BRD4: variants seen among roughly 807,000 people sequenced by gnomAD.
BRD4 encodes the protein bromodomain containing 4, also known as bromodomain-containing protein 4.
Under a neutral mutation model 142.1 loss-of-function variants are expected in BRD4, and 16 were observed. The ratio of observed to expected loss-of-function variants is 0.11; its 90% CI spans 0.08 to 0.17. BRD4 has a LOEUF of 0.17. Among genes scored for constraint, BRD4 ranks in the 10% least tolerant of loss-of-function variants. The probability of loss-of-function intolerance (pLI) is 1.00; values close to 1 mark genes in which losing one functional copy is unlikely to be tolerated. For missense variants in BRD4, 1,424 were observed against 1,810.9 expected (o/e 0.79, Z 3.88); for synonymous variants, 833 against 707.5 (o/e 1.18, Z -2.82).
At chr19:15,299,021 C>T (rs1447664598) in intron 1 of BRD4, among the ~76,000 whole-genome samples, 1 of 152,200 alleles carries the variant, frequency 6.6e-6, no homozygotes, top group African/African-American at 2.4e-5. Flanking sequence ...CATGGTGGCA[C>T]CACAAACACT....
chr19:15,283,819 C>A (rs2047722089), intron 1 of BRD4, among the ~76,000 whole-genome samples: 1 of 152,202 alleles, frequency 6.6e-6, no homozygotes, highest in Admixed American at 6.5e-5. Flanking sequence ...TCCCTGGAAC[C>A]TGCCCACACT....
intron 14 of BRD4, 144 bp from the exon 15 acceptor site, chr19:15,240,166 C>G: frequency 7.6e-7 from 1 of 1,315,176 alleles, no homozygotes; most frequent in Non-Finnish European, 1.0e-6. Flanking sequence ...TAGCCCAGCT[C>G]AAAAAGGGTG....
intron 2 of BRD4, among the ~76,000 whole-genome samples, chr19:15,269,704 A>G (rs1255433291): frequency 6.6e-6 from 1 of 152,128 alleles, no homozygotes; most frequent in Middle Eastern, 3.2e-3. Context: ...CAGCCTTCAC[A>G]ATCCTTAGTT....
chr19:15,254,532 C>T (rs1431852943), intron 10 of BRD4, among the ~76,000 whole-genome samples: 17 of 152,300 alleles, frequency 1.1e-4, no homozygotes, highest in Non-Finnish European at 7.3e-5. Flanking sequence ...TTCAAGAGAC[C>T]AGGCAGAAGG....
intron 2 of BRD4, among the ~76,000 whole-genome samples, chr19:15,272,008 T>C (rs2047593419): frequency 3.6e-5 from 5 of 140,456 alleles, no homozygotes; most frequent in Admixed American, 3.5e-4. Flanking sequence ...TGCCAGGGGG[T>C]GTACAGGACT....
chr19:15,301,226 C>T (rs896765919), intron 1 of BRD4, among the ~76,000 whole-genome samples: 4 of 152,222 alleles, frequency 2.6e-5, no homozygotes, highest in African/African-American at 9.7e-5. Flanking sequence ...TTTAATATGA[C>T]ATTCTAGAAA....
At chr19:15,306,212 C>T (rs1303857706) in intron 1 of BRD4, among the ~76,000 whole-genome samples, 2 of 152,232 alleles carry the variant, frequency 1.3e-5, no homozygotes, top group African/African-American at 2.4e-5. Flanking sequence ...CCTTTGCATT[C>T]ACAATCTGGC....
At chr19:15,300,785 G>A (rs1371282940) in intron 1 of BRD4, among the ~76,000 whole-genome samples, 2 of 152,122 alleles carry the variant, frequency 1.3e-5, no homozygotes, top group Non-Finnish European at 2.9e-5. Flanking sequence ...ACAATACCAA[G>A]TGCTAGTGAA....
intron 1 of BRD4, among the ~76,000 whole-genome samples, chr19:15,299,440 C>T (rs1331397137): frequency 1.3e-5 from 2 of 152,202 alleles, no homozygotes; most frequent in East Asian, 1.9e-4. Context: ...GCTATGCCCA[C>T]AGCAAAGTAA....
intron 1 of BRD4, among the ~76,000 whole-genome samples, chr19:15,310,165 C>T (rs1412437679): frequency 6.0e-5 from 9 of 151,200 alleles, no homozygotes; most frequent in Non-Finnish European, 1.3e-4. Context: ...AGGATGAGTC[C>T]CCTGGGAGCT....
rs147203461 is a variant in BRD4 at position 15,267,376 on chromosome 19, C to T, written c.559+40G>A. 2.9e-3 allele frequency: 4,702 copies of T among 1,606,766 alleles called. 12 individuals are homozygous for T. The highest frequency in any genetic ancestry group is 7.0e-3 in the Middle Eastern group (42 of 6,022). The stretch of plus-strand genomic sequence containing the variant: ...CCAAACTTGGAAAAGGGACAAAGGT[C>T]GGGGAGAAAGCCAATTTACTTGCTA... On this transcript the variant is annotated intron_variant, in intron 4 of 19. Coordinates refer to ENST00000679869, the MANE Select transcript of BRD4 (RefSeq NM_001379291.1).
At chr19:15,250,362 G>A (rs1037786497) in intron 11 of BRD4, among the ~76,000 whole-genome samples, 1 of 152,218 alleles carries the variant, frequency 6.6e-6, no homozygotes, top group African/African-American at 2.4e-5. Flanking sequence ...CAGGCAAGCA[G>A]CAGGCCTGGA....
In BRD4 at chr19:15,274,527, C is replaced by A. The variant is rs1359793634; in HGVS notation, c.-34-1394G>T. On this transcript the variant is annotated intron_variant, in intron 1 of 19. Coordinates refer to ENST00000679869, the MANE Select transcript of BRD4 (RefSeq NM_001379291.1). ...GAAACATATAGCTGATGCTGCGCAC[C>A]AAGCACACGCCAGGTAAGTGATGGC... 2.0e-5 allele frequency among the ~76,000 whole-genome samples: 3 copies of A among 152,236 alleles called. No individual in the cohort carries two copies. In the East Asian group the frequency reaches 5.8e-4, roughly 29 times the overall value.
chr19:15,265,071 G>A (rs1294661952), intron 5 of BRD4, among the ~76,000 whole-genome samples: 4 of 152,300 alleles, frequency 2.6e-5, no homozygotes, highest in Non-Finnish European at 4.4e-5. Context: ...AGTGCCCAGG[G>A]GAGGCACAAT....
chr19:15,255,487 G>A lies in BRD4; in HGVS notation c.1857C>T (p.Ser619=). 6.2e-7 allele frequency: 1 copy of A among 1,614,190 alleles called. No individual in the cohort carries two copies. Among genetic ancestry groups the A allele is most frequent in the Non-Finnish European group, 8.5e-7 (1 of 1,180,040 alleles). ...PMSYEEKRQL[S]LDINKLPGEK... ...CGCCGGGGAGCTTGTTGATGTCCAA[G>A]CTGAGCTGCCGCTTCTCCTCATAGG... Residue 619 remains serine (S), a synonymous_variant, in exon 10 of 20, where the codon AGC becomes AGT. Transcript: ENST00000679869.
intron 11 of BRD4, among the ~76,000 whole-genome samples, chr19:15,245,993 G>A (rs796520501): frequency 6.6e-6 from 1 of 152,212 alleles, no homozygotes; most frequent in South Asian, 2.1e-4. Context: ...AAGGGATGGG[G>A]AAGGACCTTG....
At chr19:15,291,045 G>T (rs2047778228) in intron 1 of BRD4, among the ~76,000 whole-genome samples, 1 of 152,168 alleles carries the variant, frequency 6.6e-6, no homozygotes, top group Non-Finnish European at 1.5e-5. Flanking sequence ...CCAAGTCAAT[G>T]GGTTATGGTA....
At chr19:15,260,828 C>CA (rs1192553152) in intron 7 of BRD4, among the ~76,000 whole-genome samples, 1 of 150,612 alleles carries the variant, frequency 6.6e-6, no homozygotes, top group Non-Finnish European at 1.5e-5. Flanking sequence ...ACTTAAAACC[C>CA]AAAAATCTTT....
chr19:15,319,133 C>G (rs2048040466), intron 1 of BRD4, among the ~76,000 whole-genome samples: 1 of 152,072 alleles, frequency 6.6e-6, no homozygotes, highest in Admixed American at 6.6e-5. Context: ...TTCAGGAGTT[C>G]AAGACCAGCC....
Sources: gnomAD v4.1 joint callset for allele counts (sites outside exome capture counted in the v4.1 genomes callset) on GRCh38, gnomAD v4.1.1 for gene constraint, MANE v1.5 for transcripts, NCBI Gene and HGNC (gene_info 2026-07-23, HGNC 2026-07-21) for gene names.